The following FAM135B variants were observed in gnomAD, a reference collection of about 807,000 sequenced individuals.
The protein encoded by FAM135B is family with sequence similarity 135 member B.
In FAM135B, 43 loss-of-function variants were observed where a neutral mutation model predicts 127.7. That is an observed-to-expected ratio of 0.34 (90% CI 0.26 to 0.43). FAM135B has a LOEUF of 0.43. Ranked by LOEUF, FAM135B falls within the 20% of genes least tolerant of loss-of-function variation. The pLI is 1.00. For missense variants in FAM135B, 1,558 were observed against 1,725.6 expected (o/e 0.90, Z 1.72); for synonymous variants, 670 against 665.1 (o/e 1.01, Z -0.11).
intron 9 of FAM135B, among the ~76,000 whole-genome samples, chr8:138,192,159 C>A (rs1264409960): frequency 2.0e-5 from 3 of 152,196 alleles, no homozygotes; most frequent in Non-Finnish European, 2.9e-5. Context: ...AGCCAATGTG[C>A]CAGCTTACTG....
At chr8:138,428,904 T>C (rs1390929901) in intron 1 of FAM135B, among the ~76,000 whole-genome samples, 4 of 152,236 alleles carry the variant, frequency 2.6e-5, no homozygotes, top group African/African-American at 4.8e-5. Flanking sequence ...ATGCCTCTAT[T>C]TCGTTCCACA....
At chr8:138,138,309 C>T (rs961806710) in intron 18 of FAM135B, among the ~76,000 whole-genome samples, 4 of 152,224 alleles carry the variant, frequency 2.6e-5, no homozygotes, top group African/African-American at 4.8e-5. Flanking sequence ...GATTCACAGG[C>T]ACAGAGGGAT....
rs1019265130 is a variant in FAM135B, at chr8:138,289,868, G to A, written c.157+20973C>T. ...ATTTTTATCTCATTTAGTGATTAAG[G>A]TGCATCCAATACTCAAGTGGCAACA... is the stretch of plus-strand genomic sequence containing the variant. On this transcript the variant is annotated intron_variant, in intron 3 of 19. Transcript: ENST00000395297. Among the ~76,000 whole-genome samples, 16 of 152,262 alleles carry A rather than the reference G, an allele frequency of 1.1e-4. 1 individual carries two copies. Among genetic ancestry groups the A allele is most frequent in the Admixed American group, 3.9e-4 (6 of 15,296 alleles).
intron 1 of FAM135B, among the ~76,000 whole-genome samples, chr8:138,464,351 C>A (rs10112360): frequency 0.43 from 64,996 of 151,872 alleles, 15,869 homozygotes; most frequent in East Asian, 0.76. Context: ...TACCAAATAA[C>A]CTCCTTTCAG....
At chr8:138,309,075 C>T (rs111789016) in intron 3 of FAM135B, 5 of 430,290 alleles carry the variant, frequency 1.2e-5, no homozygotes, top group African/African-American at 2.1e-5. Context: ...ATTTCTAAGA[C>T]AAATATCTAT....
chr8:138,454,380 G>A (rs1836659821), intron 1 of FAM135B, among the ~76,000 whole-genome samples: 1 of 152,104 alleles, frequency 6.6e-6, no homozygotes, highest in South Asian at 2.1e-4. Flanking sequence ...TCCCTTAAGT[G>A]ATGGCTTTTG....
chr8:138,132,923 T>A lies in FAM135B; in HGVS notation c.4016-125A>T. On this transcript the variant is annotated intron_variant, in intron 19 of 19. Coordinates refer to ENST00000395297, the MANE Select transcript of FAM135B (RefSeq NM_015912.4). This position sits in a 1 kb window ranked among gnomAD's most constrained non-coding sequence, Gnocchi z 4.5. ...ACCTGTTATACAGCAGTTTCCAACC[T>A]CTTCCTAATGTTAGTGAAATTAATA... 1.3e-6 allele frequency: 1 copy of A among 763,580 alleles called. No individual in the cohort carries two copies. Among genetic ancestry groups the A allele is most frequent in the South Asian group, 1.6e-5 (1 of 61,328 alleles). 47.3% of individuals were successfully genotyped at this position (763,580 alleles called of 1,614,324 possible).
chr8:138,364,551 C>T (rs1032211903), intron 2 of FAM135B, among the ~76,000 whole-genome samples: 6 of 152,134 alleles, frequency 3.9e-5, no homozygotes, highest in Non-Finnish European at 4.4e-5. Flanking sequence ...TGCCTAAATA[C>T]GCACCTTCCT....
intron 7 of FAM135B, among the ~76,000 whole-genome samples, chr8:138,198,417 G>A (rs1360738612): frequency 6.6e-6 from 1 of 152,310 alleles, no homozygotes; most frequent in Non-Finnish European, 1.5e-5. Context: ...ACTGCAGGGT[G>A]CACTATAGAG....
At chr8:138,490,921 TCA>T (rs1254862883) in intron 1 of FAM135B, among the ~76,000 whole-genome samples, 6 of 151,934 alleles carry the variant, frequency 3.9e-5, no homozygotes, top group African/African-American at 1.5e-4. Context: ...GGCGGGTGGA[TCA>T]CTTGAGGTCA....
chr8:138,240,772 G>A (rs1456416393), intron 7 of FAM135B, among the ~76,000 whole-genome samples: 1 of 152,216 alleles, frequency 6.6e-6, no homozygotes, highest in Non-Finnish European at 1.5e-5. Context: ...ACAGGGAGTT[G>A]CACATCAGAG....
chr8:138,445,964 TA>T (rs201403215), intron 1 of FAM135B, among the ~76,000 whole-genome samples: 2,143 of 152,282 alleles, frequency 0.014, 49 homozygotes, highest in African/African-American at 0.049. Context: ...AGTCTCAGCA[TA>T]CAAAATCAAT....
chr8:138,140,249 C>G (rs1162649879), intron 17 of FAM135B, among the ~76,000 whole-genome samples: 1 of 152,124 alleles, frequency 6.6e-6, no homozygotes, highest in Non-Finnish European at 1.5e-5. Flanking sequence ...ACTGACCAGG[C>G]CATGAGGAAA....
At chr8:138,444,590 T>C (rs1391835523) in intron 1 of FAM135B, among the ~76,000 whole-genome samples, 1 of 152,100 alleles carries the variant, frequency 6.6e-6, no homozygotes, top group East Asian at 1.9e-4. Flanking sequence ...ATAAAGATGT[T>C]CTTTGAAACC....
chr8:138,441,857 T>C (rs143589119), intron 1 of FAM135B: 9 of 152,028 alleles, frequency 5.9e-5, no homozygotes, highest in African/African-American at 2.2e-4. Flanking sequence ...GAGTGCAGTC[T>C]TGATGACAGA....
intron 1 of FAM135B, among the ~76,000 whole-genome samples, chr8:138,379,945 T>G (rs1587292696): frequency 6.6e-6 from 1 of 152,220 alleles, no homozygotes; most frequent in East Asian, 1.9e-4. Flanking sequence ...ACATCCTCTA[T>G]GCTTCCTGAC....
chr8:138,157,703 T>C (rs1818906192), intron 12 of FAM135B, among the ~76,000 whole-genome samples: 1 of 152,116 alleles, frequency 6.6e-6, no homozygotes, highest in African/African-American at 2.4e-5. Flanking sequence ...CACAATTGCT[T>C]CAAAGAGAAT....
chr8:138,141,478 A>G lies in FAM135B; in HGVS notation c.3639-129T>C, dbSNP rs1345807405. ...GAATGTAGGGGAACTGGCAAAGAGA[A>G]CAGGGACTGCCAACTCAACCTCATC... On this transcript the variant is annotated intron_variant, in intron 16 of 19. Coordinates refer to ENST00000395297, the MANE Select transcript of FAM135B (RefSeq NM_015912.4). This position sits in a 1 kb window ranked among gnomAD's most constrained non-coding sequence, Gnocchi z 4.7. 1 of 931,022 alleles carries G rather than the reference A, an allele frequency of 1.1e-6. No homozygotes were observed. Among genetic ancestry groups the G allele is most frequent in the Non-Finnish European group, 1.7e-6 (1 of 598,166 alleles). The allele number at this position is 931,022 out of a possible 1,614,324, so 57.7% of individuals were successfully genotyped here. A position where few individuals can be genotyped will look rare whatever the true frequency, so the allele number is the denominator to read the frequency against.
chr8:138,244,367 G>C (rs1821121788), intron 6 of FAM135B, among the ~76,000 whole-genome samples: 1 of 145,842 alleles, frequency 6.9e-6, no homozygotes, highest in Non-Finnish European at 1.5e-5. Context: ...AATAAATCCA[G>C]CCTCTCAGGG....
Sources: gnomAD v4.1 joint callset for allele counts (sites outside exome capture counted in the v4.1 genomes callset) on GRCh38, gnomAD v4.1.1 for gene constraint, Gnocchi (gnomAD v3.1) non-coding constraint, MANE v1.5 for transcripts, NCBI Gene and HGNC (gene_info 2026-07-23, HGNC 2026-07-21) for gene names.